JAK1: variants seen among roughly 807,000 people sequenced by gnomAD.
JAK1 encodes the protein tyrosine-protein kinase JAK1.
JAK1 carries 16 observed loss-of-function variants against 136.6 expected under a neutral mutation model. That is an observed-to-expected ratio of 0.12 (90% CI 0.08 to 0.18). The LOEUF (loss-of-function observed/expected upper bound fraction) is 0.18, where lower values mean the gene tolerates loss of function less well. JAK1 is among the 10% of genes least tolerant of loss of function. The pLI is 1.00. For missense variants in JAK1, 859 were observed against 1,450.1 expected (o/e 0.59, Z 6.62); for synonymous variants, 492 against 519.5 (o/e 0.95, Z 0.72).
intron 12 of JAK1, chr1:64,848,036 A>G (rs1655350671): frequency 5.1e-6 from 1 of 196,632 alleles, no homozygotes; most frequent in African/African-American, 2.3e-5. Flanking sequence ...GAGAAGACTC[A>G]AGAGAGGAGC....
At chr1:64,906,795 G>A (rs1014324909) in intron 1 of JAK1, among the ~76,000 whole-genome samples, 2 of 152,168 alleles carry the variant, frequency 1.3e-5, no homozygotes, top group African/African-American at 4.8e-5. Context: ...GCCAGGTCTT[G>A]AACCCAGATC....
intron 2 of JAK1, among the ~76,000 whole-genome samples, chr1:65,002,941 C>T (rs565135295): frequency 6.6e-6 from 1 of 151,562 alleles, no homozygotes; most frequent in Non-Finnish European, 1.5e-5. Context: ...TTTCTTGGCC[C>T]GGGCTTGGGG....
intron 2 of JAK1, among the ~76,000 whole-genome samples, chr1:65,019,293 GA>G (rs1199539343): frequency 2.6e-5 from 4 of 151,756 alleles, no homozygotes; most frequent in African/African-American, 7.3e-5. Context: ...GATGTATGTT[GA>G]AAAAAATCTG....
At chr1:64,966,043 A>G (rs1646369339) in intron 1 of JAK1, among the ~76,000 whole-genome samples, 1 of 149,012 alleles carries the variant, frequency 6.7e-6, no homozygotes, top group South Asian at 2.1e-4. Flanking sequence ...GTTTATGAAA[A>G]CTTGCCGTGC....
At chr1:65,067,188 CG>C (rs1476459931) in intron 1 of JAK1, among the ~76,000 whole-genome samples, 2 of 151,560 alleles carry the variant, frequency 1.3e-5, no homozygotes, top group African/African-American at 4.8e-5. Context: ...CCGCCTACCC[CG>C]AGGTGGCGAA....
chr1:64,993,226 T>C (rs1646674202), intron 2 of JAK1: 1 of 152,182 alleles, frequency 6.6e-6, no homozygotes, highest in African/African-American at 2.4e-5. Context: ...ACTTTTAAAA[T>C]TTACTTTATA....
intron 1 of JAK1, among the ~76,000 whole-genome samples, chr1:64,912,200 T>G (rs1645296769): frequency 6.6e-6 from 1 of 152,156 alleles, no homozygotes; most frequent in African/African-American, 2.4e-5. Flanking sequence ...AGTAGACAAT[T>G]TTTTGAACTC....
intron 2 of JAK1, among the ~76,000 whole-genome samples, chr1:64,973,283 AAG>A (rs1345123095): frequency 1.3e-5 from 2 of 150,434 alleles, no homozygotes; most frequent in Non-Finnish European, 3.0e-5. Flanking sequence ...GAAGGAAAGA[AAG>A]AAAGGGCGAG....
chr1:64,919,395 G>T (rs550298966), intron 1 of JAK1, among the ~76,000 whole-genome samples: 1 of 152,160 alleles, frequency 6.6e-6, no homozygotes. Context: ...ATGTGCCACA[G>T]TTTCTTAATC....
In JAK1 at chr1:64,834,323, A is replaced by G. The variant is rs1168075727; in HGVS notation, c.*239T>C. ...AGGAGGAGTGCTTAAGTGCTTTCAA[A>G]TATTTTGGTTGTCATTATGTGTCAC... is the stretch of plus-strand genomic sequence containing the variant. On this transcript the variant is annotated 3_prime_UTR_variant, in exon 25 of 25. Coordinates refer to ENST00000342505, the MANE Select transcript of JAK1 (RefSeq NM_002227.4). 3 of 353,308 alleles carry G rather than the reference A, an allele frequency of 8.5e-6. No homozygotes were observed. Among genetic ancestry groups the G allele is most frequent in the Non-Finnish European group, 1.6e-5 (3 of 191,496 alleles). The allele number at this position is 353,308 out of a possible 1,614,324, so 21.9% of individuals were successfully genotyped here.
intron 1 of JAK1, among the ~76,000 whole-genome samples, chr1:64,889,801 T>C (rs1253922685): frequency 2.6e-5 from 4 of 152,306 alleles, no homozygotes; most frequent in African/African-American, 4.8e-5. Context: ...TTTTGGATAG[T>C]GGACAAGGAA....
At chr1:64,893,390 C>G (rs576251079) in intron 1 of JAK1, among the ~76,000 whole-genome samples, 4 of 151,134 alleles carry the variant, frequency 2.6e-5, no homozygotes, top group Admixed American at 1.3e-4. Flanking sequence ...GAGCTCAAAC[C>G]CTGCATAATG....
In JAK1 at chr1:64,913,216, G is replaced by T. The variant is rs138171017; in HGVS notation, c.-77-26875C>A. 6.2e-3 allele frequency among the ~76,000 whole-genome samples: 949 copies of T among 152,142 alleles called. 29 individuals are homozygous for T. The highest frequency in any genetic ancestry group is 0.057 in the Admixed American group (875 of 15,262). On this transcript the variant is annotated intron_variant, in intron 1 of 24. Coordinates refer to ENST00000342505, the MANE Select transcript of JAK1 (RefSeq NM_002227.4). Reference sequence around the variant, plus strand: ...TTTTTCTATTTTTTTGTAGAGACAGGGTCTCGCCTTATTGCCCAGGCTGGG... The same window carrying T: ...TTTTTCTATTTTTTTGTAGAGACAGTGTCTCGCCTTATTGCCCAGGCTGGG...
At chr1:64,839,258 G>A (rs1227026460) in intron 20 of JAK1, among the ~76,000 whole-genome samples, 1 of 151,750 alleles carries the variant, frequency 6.6e-6, no homozygotes, top group Non-Finnish European at 1.5e-5. Flanking sequence ...TTGCCACTTT[G>A]ATTTAGACAA....
At chr1:64,947,669 A>G (rs1163191563) in intron 1 of JAK1, among the ~76,000 whole-genome samples, 3 of 151,972 alleles carry the variant, frequency 2.0e-5, no homozygotes, top group Admixed American at 6.6e-5. Context: ...TACCCAACAG[A>G]AAAGCAGTTT....
chr1:64,864,737 C>G (rs1404408742), intron 8 of JAK1, 50 bp downstream of exon 8: 1 of 1,364,618 alleles, frequency 7.3e-7, no homozygotes, highest in Admixed American at 1.9e-5. Context: ...CTCAGCAATT[C>G]TCCCTCTCAT....
At chr1:64,843,450 A>G (rs1040764028) in intron 17 of JAK1, among the ~76,000 whole-genome samples, 1 of 152,186 alleles carries the variant, frequency 6.6e-6, no homozygotes, top group Non-Finnish European at 1.5e-5. Context: ...TTTGCATTCT[A>G]GCTGAGGAAC....
intron 1 of JAK1, among the ~76,000 whole-genome samples, chr1:65,063,874 G>C (rs1244057291): frequency 6.6e-6 from 1 of 151,228 alleles, no homozygotes; most frequent in African/African-American, 2.4e-5. Context: ...GAGTAATGCA[G>C]GCCTGAGCTG....
intron 2 of JAK1, among the ~76,000 whole-genome samples, chr1:65,040,806 A>C (rs921360135): frequency 7.9e-5 from 12 of 152,202 alleles, no homozygotes; most frequent in Middle Eastern, 3.2e-3. Flanking sequence ...ACCACGAAAA[A>C]AAACATAGTC....
Sources: gnomAD v4.1 joint callset for allele counts (sites outside exome capture counted in the v4.1 genomes callset) on GRCh38, gnomAD v4.1.1 for gene constraint, MANE v1.5 for transcripts, NCBI Gene and HGNC (gene_info 2026-07-23, HGNC 2026-07-21) for gene names.